The following TTBK2 variants were observed in gnomAD, a reference collection of about 807,000 sequenced individuals.
TTBK2 encodes tau-tubulin kinase 2.
TTBK2 carries 28 observed loss-of-function variants against 110.8 expected under a neutral mutation model. The ratio of observed to expected loss-of-function variants is 0.25; its 90% confidence interval spans 0.19 to 0.35. TTBK2 has a LOEUF of 0.35. Ranked by LOEUF, TTBK2 falls within the 10% of genes least tolerant of loss-of-function variation. The pLI, the probability that TTBK2 is intolerant of heterozygous loss-of-function variation, is 1.00. For synonymous variants in TTBK2, 532 were observed against 527.3 expected, an observed-to-expected ratio of 1.01 and a Z score of -0.12; for missense variants, 1,369 against 1,500.3, an observed-to-expected ratio of 0.91 and a Z score of 1.45.
At chr15:42,878,432 A>G in intron 2 of TTBK2, 117 bp downstream of exon 2, 1 of 1,543,446 alleles carries the variant, frequency 6.5e-7, no homozygotes, top group East Asian at 2.3e-5. Flanking sequence ...TAATGTATGT[A>G]ATATTTCCTA....
At chr15:42,819,448 T>A (rs749323269) in intron 6 of TTBK2, among the ~76,000 whole-genome samples, 4 of 152,204 alleles carry the variant, frequency 2.6e-5, no homozygotes, top group Non-Finnish European at 4.4e-5. Flanking sequence ...ATTTTTATAA[T>A]CTATGTTTAA....
At chr15:42,883,375 C>T (rs535809709) in intron 1 of TTBK2, among the ~76,000 whole-genome samples, 97 of 137,856 alleles carry the variant, frequency 7.0e-4, no homozygotes, top group Middle Eastern at 7.6e-3. Context: ...GAAACTCCAC[C>T]TCAAAAAAAA....
rs908445283 is a variant in TTBK2 at position 42,783,565 on chromosome 15, G to T, written c.1051C>A (p.Gln351Lys). ...ENTDEVFPDEQLSDGENGIPV... is the reference protein window; with the variant it reads ...ENTDEVFPDEKLSDGENGIPV... ...ATGCCATTTTCTCCATCGCTAAGCT[G>T]TTCATCTGGAAATACCTCATCTGTA... Residue 351 changes from glutamine (Q) to lysine (K), a missense_variant, in exon 11 of 15, where the codon CAG becomes AAG. Coordinates refer to ENST00000267890, the MANE Select transcript of TTBK2 (RefSeq NM_173500.4). 71 of 1,613,912 alleles carry T rather than the reference G, an allele frequency of 4.4e-5. No individual in the cohort carries two copies. Among genetic ancestry groups the T allele is most frequent in the Non-Finnish European group, 5.3e-5 (63 of 1,180,030 alleles).
chr15:42,789,874 C>CACAT (rs1028751313), intron 10 of TTBK2, among the ~76,000 whole-genome samples: 7 of 151,958 alleles, frequency 4.6e-5, no homozygotes, highest in African/African-American at 1.7e-4. Flanking sequence ...CACACACACA[C>CACAT]ACATATACAT....
At chr15:42,831,948 G>C (rs1892777216) in intron 4 of TTBK2, among the ~76,000 whole-genome samples, 1 of 152,084 alleles carries the variant, frequency 6.6e-6, no homozygotes, top group African/African-American at 2.4e-5. Context: ...TAAACTCTTA[G>C]ATTAATATTA....
At chr15:42,883,923 C>T (rs548430069) in intron 1 of TTBK2, among the ~76,000 whole-genome samples, 17 of 151,768 alleles carry the variant, frequency 1.1e-4, no homozygotes, top group South Asian at 2.1e-4. Flanking sequence ...TTAAAAGAAA[C>T]GGGAAAAAAG....
At chr15:42,896,981 C>T (rs1278791103) in intron 1 of TTBK2, among the ~76,000 whole-genome samples, 1 of 151,718 alleles carries the variant, frequency 6.6e-6, no homozygotes, top group African/African-American at 2.4e-5. Context: ...CGAGTTCAAG[C>T]GATTCTCCTG....
intron 13 of TTBK2, among the ~76,000 whole-genome samples, chr15:42,773,856 A>G (rs561380288): frequency 6.6e-6 from 1 of 152,290 alleles, no homozygotes; most frequent in African/African-American, 2.4e-5. Flanking sequence ...CCCACATGAT[A>G]GCTTTGTACA....
chr15:42,822,612 A>C (rs2140965025), intron 6 of TTBK2, among the ~76,000 whole-genome samples: 1 of 152,310 alleles, frequency 6.6e-6, no homozygotes, highest in South Asian at 2.1e-4. Context: ...AAAAACAGAA[A>C]AATAGGTTGA....
chr15:42,744,005 T>C lies in TTBK2; in HGVS notation c.*1790A>G, dbSNP rs1434438888. Reference sequence around the variant, plus strand: ...ATATATTTATAAATATTTATATAATTTACCATGAAGACATGCAAGTAGTGT... The same window carrying C: ...ATATATTTATAAATATTTATATAATCTACCATGAAGACATGCAAGTAGTGT... On this transcript the variant is annotated 3_prime_UTR_variant, in exon 15 of 15. Coordinates refer to ENST00000267890, the MANE Select transcript of TTBK2 (RefSeq NM_173500.4). 3 of 152,162 alleles carry C rather than the reference T, an allele frequency of 2.0e-5. No homozygotes were observed. Among genetic ancestry groups the C allele is most frequent in the Non-Finnish European group, 4.4e-5 (3 of 68,026 alleles). The allele number at this position is 152,162 out of a possible 1,614,324, so 9.4% of individuals were successfully genotyped here.
At chr15:42,896,776 T>C (rs558158068) in intron 1 of TTBK2, among the ~76,000 whole-genome samples, 16 of 152,122 alleles carry the variant, frequency 1.1e-4, no homozygotes, top group South Asian at 6.2e-4. Context: ...GCATGGGCAA[T>C]AGAGTGAGAC....
At chr15:42,760,461 C>T (rs1379093868) in intron 13 of TTBK2, among the ~76,000 whole-genome samples, 1 of 150,544 alleles carries the variant, frequency 6.6e-6, no homozygotes, top group African/African-American at 2.4e-5. Flanking sequence ...CAACAACAGA[C>T]TAGACCAGGC....
intron 10 of TTBK2, 86 bp downstream of exon 10, chr15:42,794,558 C>A: frequency 6.3e-7 from 1 of 1,581,366 alleles, no homozygotes; most frequent in Non-Finnish European, 8.7e-7. Context: ...AGCATTTGGT[C>A]ATCTGAGGGA....
chr15:42,762,644 G>T (rs2062046328), intron 13 of TTBK2, among the ~76,000 whole-genome samples: 1 of 152,144 alleles, frequency 6.6e-6, no homozygotes. Flanking sequence ...TTGAACCCGG[G>T]AGGTGGTGGC....
intron 1 of TTBK2, among the ~76,000 whole-genome samples, chr15:42,905,083 G>A (rs1567087818): frequency 6.6e-6 from 1 of 151,950 alleles, no homozygotes; most frequent in Non-Finnish European, 1.5e-5. Flanking sequence ...TGTTGGCCAG[G>A]CTGGTCTAGA....
At chr15:42,850,135 C>T (rs1363917254) in intron 3 of TTBK2, among the ~76,000 whole-genome samples, 1 of 152,140 alleles carries the variant, frequency 6.6e-6, no homozygotes, top group African/African-American at 2.4e-5. Flanking sequence ...CTTGCCTGCC[C>T]CCATTGAGGC....
At chr15:42,867,902 T>C (rs539572474) in intron 3 of TTBK2, among the ~76,000 whole-genome samples, 100 of 152,272 alleles carry the variant, frequency 6.6e-4, no homozygotes, top group Admixed American at 6.5e-3. Context: ...TATCCCTCAG[T>C]AGGTGAATGG....
intron 5 of TTBK2, among the ~76,000 whole-genome samples, chr15:42,828,708 G>A (rs1038638921): frequency 9.6e-5 from 14 of 146,588 alleles, no homozygotes; most frequent in South Asian, 2.2e-4. Flanking sequence ...GGGTGACAGA[G>A]TGAGACTCTG....
chr15:42,848,365 A>G (rs1893554167), intron 3 of TTBK2, among the ~76,000 whole-genome samples: 1 of 152,074 alleles, frequency 6.6e-6, no homozygotes, highest in Non-Finnish European at 1.5e-5. Context: ...AATTGGGGAG[A>G]ATCAACATCT....
Sources: allele counts gnomAD v4.1 joint callset (sites outside exome capture counted in the v4.1 genomes callset), GRCh38; gene constraint gnomAD v4.1.1; transcripts MANE v1.5; gene names NCBI Gene and HGNC (gene_info 2026-07-23, HGNC 2026-07-21).